LRRC8E: variants seen among roughly 807,000 people sequenced by gnomAD.
LRRC8E encodes leucine rich repeat containing 8 VRAC subunit E, also known as volume-regulated anion channel subunit LRRC8E.
A neutral mutation model predicts 6.1 loss-of-function variants in LRRC8E; 6 were observed. The observed-to-expected ratio is 0.98, with a 90% CI of 0.54 to 1.93. LRRC8E has a LOEUF of 1.93. Among genes scored for constraint, LRRC8E ranks in the 30% most tolerant of loss-of-function variants. The pLI is 0.01. For missense variants in LRRC8E, 1,028 were observed against 1,031.4 expected (o/e 1.00, Z 0.04); for synonymous variants, 485 against 472.8 (o/e 1.03, Z -0.33).
intron 1 of LRRC8E, among the ~76,000 whole-genome samples, chr19:7,894,366 GGT>G (rs1191064124): frequency 1.3e-5 from 2 of 152,176 alleles, no homozygotes; most frequent in Admixed American, 6.5e-5. Flanking sequence ...TAGGATTACA[GGT>G]GTGTGTCACC....
Position 7,899,168 on chromosome 19 carries a change from G to A in LRRC8E, c.646G>A (p.Glu216Lys), listed in dbSNP as rs200747911. ...GGCGGAACCGGAGAAGGTGGTGACCGAGCCTCCAGTTGTCACCCTGTTGGA... is the reference window on the plus strand; with the variant it reads ...GGCGGAACCGGAGAAGGTGGTGACCAAGCCTCCAGTTGTCACCCTGTTGGA... ...VLAEPEKVVT[E>K]PPVVTLLDKK... The change falls in exon 3 of 3, where the codon GAG becomes AAG. Residue 216 changes from glutamate (E) to lysine (K), a missense_variant. Physicochemically the swap from Glu to Lys is moderately conservative, Grantham distance 56. Coordinates refer to ENST00000306708, the MANE Select transcript of LRRC8E (RefSeq NM_025061.6). 3.9e-5 allele frequency: 63 copies of A among 1,613,894 alleles called. No homozygotes were observed. Among genetic ancestry groups the A allele is most frequent in the Non-Finnish European group, 5.2e-5 (61 of 1,179,934 alleles).
chr19:7,898,763 A>G lies in LRRC8E; in HGVS notation c.241A>G (p.Ile81Val). Residue 81 changes from isoleucine to valine, a missense_variant, in exon 3 of 3, where the codon ATT becomes GTT. By Grantham distance (29) the Ile-to-Val change is conservative (BLOSUM62 3). Transcript: ENST00000306708. ...GCTGCCTCGGGGGATCCCTGAGCAG[A>G]TTGGGGCCCTGCAGGAGGTTAAAGG... Reference protein sequence around the residue: ...QLLPRGIPEQIGALQEVKGLK... With the variant: ...QLLPRGIPEQVGALQEVKGLK... 6.2e-7 allele frequency: 1 copy of G among 1,614,092 alleles called. No homozygotes were observed. The highest frequency in any genetic ancestry group is 1.3e-5 in the African/African-American group (1 of 75,040).
chr19:7,900,840 C>A lies in LRRC8E; in HGVS notation c.2318C>A (p.Ala773Glu). ...ELGNCGGLKKAGLLVEDTLYQ... is the reference protein window; with the variant it reads ...ELGNCGGLKKEGLLVEDTLYQ... ...GGCAACTGTGGGGGGCTCAAGAAGG[C>A]GGGGCTCCTGGTGGAAGACACGCTT... The change falls in exon 3 of 3, where the codon GCG becomes GAG. Residue 773 changes from alanine to glutamate, a missense_variant. Coordinates refer to ENST00000306708, the MANE Select transcript of LRRC8E (RefSeq NM_025061.6). The surrounding 1 kb of genome is among the most constrained non-coding windows in gnomAD (Gnocchi z 5.0). 1.3e-6 allele frequency: 2 copies of A among 1,567,514 alleles called. No individual in the cohort carries two copies. Among genetic ancestry groups the A allele is most frequent in the Admixed American group, 1.9e-5 (1 of 52,616 alleles).
At chr19:7,892,098 A>G (rs1175427184) in intron 1 of LRRC8E, among the ~76,000 whole-genome samples, 3 of 145,304 alleles carry the variant, frequency 2.1e-5, no homozygotes, top group African/African-American at 7.8e-5. Flanking sequence ...TTTGAGACGG[A>G]GTCTCGCTCT....
At chr19:7,897,879 T>C (rs1033515839) in intron 2 of LRRC8E, among the ~76,000 whole-genome samples, 1 of 152,014 alleles carries the variant, frequency 6.6e-6, no homozygotes, top group African/African-American at 2.4e-5. Context: ...ACATCTTTTG[T>C]GGGGACACGA....
intron 2 of LRRC8E, 56 bp from the exon 3 acceptor site, chr19:7,898,605 C>A: frequency 6.8e-7 from 1 of 1,476,106 alleles, no homozygotes; most frequent in South Asian, 1.3e-5. Flanking sequence ...GTGATCCACT[C>A]GCCTTGGCCT....
Position 7,895,703 on chromosome 19 carries a change from G to A in LRRC8E, c.100G>A (p.Ala34Thr), listed in dbSNP as rs767036062. 3 of 1,613,984 alleles carry A rather than the reference G, an allele frequency of 1.9e-6. No individual in the cohort carries two copies. The highest frequency in any genetic ancestry group is 2.5e-6 in the Non-Finnish European group (3 of 1,179,980). Residue 34 changes from alanine (A) to threonine (T), a missense_variant, in exon 2 of 3, where the codon GCC becomes ACC. By Grantham distance (58) the Ala-to-Thr change is moderately conservative. Coordinates refer to ENST00000306708, the MANE Select transcript of LRRC8E (RefSeq NM_025061.6). This position sits in a 1 kb window ranked among gnomAD's most constrained non-coding sequence, Gnocchi z 4.7. Reference protein sequence around the residue: ...WDVLAEYLTVAMLMIGVFGCT... With the variant: ...WDVLAEYLTVTMLMIGVFGCT... ...CGTGCTGGCCGAGTACCTCACCGTG[G>A]CCATGCTCATGATTGGGGTCTTTGG...
At chr19:7,894,399 G>T (rs948734031) in intron 1 of LRRC8E, among the ~76,000 whole-genome samples, 1 of 152,118 alleles carries the variant, frequency 6.6e-6, no homozygotes, top group African/African-American at 2.4e-5. Context: ...AATTTTTTGT[G>T]TATTTTTAGT....
chr19:7,892,103 C>T (rs1378993851), intron 1 of LRRC8E, among the ~76,000 whole-genome samples: 26 of 150,414 alleles, frequency 1.7e-4, no homozygotes, highest in Admixed American at 4.0e-4. Context: ...GACGGAGTCT[C>T]GCTCTGTCGC....
At position 7,895,816 on chromosome 19, in the gene LRRC8E, C is replaced by T. The variant is rs1981558643; in HGVS notation, c.138+75C>T. 1.9e-6 allele frequency: 3 copies of T among 1,565,398 alleles called. No individual in the cohort carries two copies. The highest frequency in any genetic ancestry group is 1.3e-5 in the African/African-American group (1 of 74,190). ...GTCTGGGGAAGTCGGGAAGCCTTCT[C>T]ATCACCCAAGAAAGAGAGGAAACTG... On this transcript the variant is annotated intron_variant, in intron 2 of 2. Transcript: ENST00000306708. The surrounding 1 kb of genome is among the most constrained non-coding windows in gnomAD (Gnocchi z 4.7).
At position 7,894,097 on chromosome 19, in the gene LRRC8E, G is replaced by A. The variant is rs571174996; in HGVS notation, c.-5-1502G>A. Among the ~76,000 whole-genome samples the A allele has an allele frequency of 9.2e-5, 14 of 152,324 alleles. 1 individual carries two copies. The South Asian group carries it at 2.5e-3, about 27-fold the overall frequency. On this transcript the variant is annotated intron_variant, in intron 1 of 2. Coordinates refer to ENST00000306708, the MANE Select transcript of LRRC8E (RefSeq NM_025061.6). Reference sequence around the variant, plus strand: ...ACATGTCAGAACCATTGGCTGAGTCGTGGGTCAGGGGACCAGGGTTTCCCT... The same window carrying A: ...ACATGTCAGAACCATTGGCTGAGTCATGGGTCAGGGGACCAGGGTTTCCCT...
At position 7,900,554 on chromosome 19, in the gene LRRC8E, C is replaced by A; in HGVS notation, c.2032C>A (p.Leu678Ile). 1 of 1,613,146 alleles carries A rather than the reference C, an allele frequency of 6.2e-7. No homozygotes were observed. The highest frequency in any genetic ancestry group is 8.5e-7 in the Non-Finnish European group (1 of 1,180,040). The change falls in exon 3 of 3, where the codon CTC (leucine) becomes ATC (isoleucine). Residue 678 changes from leucine to isoleucine, a missense_variant. Transcript: ENST00000306708. This position sits in a 1 kb window ranked among gnomAD's most constrained non-coding sequence, Gnocchi z 5.0. ...CTCCCAGCTCGGCCTGTGCTCAGGC[C>A]TCCGTCTGCTGGATGTGTCCCACAA... is the stretch of plus-strand genomic sequence containing the variant. Reference protein sequence around the residue: ...LPSQLGLCSGLRLLDVSHNGL... With the variant: ...LPSQLGLCSGIRLLDVSHNGL...
chr19:7,894,782 T>G (rs893958621), intron 1 of LRRC8E, among the ~76,000 whole-genome samples: 5 of 152,138 alleles, frequency 3.3e-5, no homozygotes, highest in Non-Finnish European at 5.9e-5. Context: ...ACAGACAGAG[T>G]GGGCCGGCCA....
At chr19:7,891,291 C>T (rs1019299885) in intron 1 of LRRC8E, among the ~76,000 whole-genome samples, 1 of 152,158 alleles carries the variant, frequency 6.6e-6, no homozygotes, top group African/African-American at 2.4e-5. Flanking sequence ...TGTTCCTGGA[C>T]CTTCCCACCA....
At position 7,900,336 on chromosome 19, in the gene LRRC8E, G is replaced by A. The variant is rs376541871; in HGVS notation, c.1814G>A (p.Gly605Asp). Reference protein sequence around the residue: ...ERIPHAVFSLGALQELDLKDN... With the variant: ...ERIPHAVFSLDALQELDLKDN... ...ATCCCCCATGCAGTGTTCAGCCTGG[G>A]TGCGCTGCAGGAACTTGACCTCAAG... The change falls in exon 3 of 3, where the codon GGT becomes GAT. Residue 605 changes from glycine (G) to aspartate (D), a missense_variant. Physicochemically the swap from Gly to Asp is moderately conservative, Grantham distance 94. Coordinates refer to ENST00000306708, the MANE Select transcript of LRRC8E (RefSeq NM_025061.6). The surrounding 1 kb of genome is among the most constrained non-coding windows in gnomAD (Gnocchi z 5.0). The A allele has an allele frequency of 1.9e-6, 3 of 1,613,134 alleles. No homozygotes were observed. The highest frequency in any genetic ancestry group is 1.7e-5 in the Admixed American group (1 of 59,996).
At chr19:7,898,362 A>T (rs1981715701) in intron 2 of LRRC8E, among the ~76,000 whole-genome samples, 2 of 151,700 alleles carry the variant, frequency 1.3e-5, no homozygotes, top group African/African-American at 4.8e-5. Context: ...TCTCTTTTTT[A>T]AATTAATTTA....
At position 7,900,885 on chromosome 19, in the gene LRRC8E, A is replaced by T; in HGVS notation, c.2363A>T (p.Glu788Val). The change falls in exon 3 of 3, where the codon GAA (glutamate) becomes GTA (valine). Residue 788 changes from glutamate (E) to valine (V), a missense_variant. Physicochemically the swap from Glu to Val is moderately radical, Grantham distance 121. Transcript: ENST00000306708. The surrounding 1 kb of genome is among the most constrained non-coding windows in gnomAD (Gnocchi z 5.0). ...ACGCTTTACCAGGGTCTGCCGGCAGAAGTGCGGGACAAGATGGAGGAGGAA... is the reference window on the plus strand; with the variant it reads ...ACGCTTTACCAGGGTCTGCCGGCAGTAGTGCGGGACAAGATGGAGGAGGAA... ...EDTLYQGLPAEVRDKMEEE is the reference protein window; with the variant it reads ...EDTLYQGLPAVVRDKMEEE 6.5e-7 allele frequency: 1 copy of T among 1,530,194 alleles called. No homozygotes were observed. Among genetic ancestry groups the T allele is most frequent in the Non-Finnish European group, 8.8e-7 (1 of 1,141,172 alleles). 94.8% of individuals were successfully genotyped at this position (1,530,194 alleles called of 1,614,324 possible).
At position 7,895,488 on chromosome 19, in the gene LRRC8E, G is replaced by C; in HGVS notation, c.-5-111G>C. 1.5e-6 allele frequency: 2 copies of C among 1,369,624 alleles called. No individual in the cohort carries two copies. Among genetic ancestry groups the C allele is most frequent in the Non-Finnish European group, 2.0e-6 (2 of 984,212 alleles). The allele number at this position is 1,369,624 out of a possible 1,614,324, so 84.8% of individuals were successfully genotyped here. A position where few individuals can be genotyped will look rare whatever the true frequency, so the allele number is the denominator to read the frequency against. On this transcript the variant is annotated intron_variant, in intron 1 of 2. Transcript: ENST00000306708. This position sits in a 1 kb window ranked among gnomAD's most constrained non-coding sequence, Gnocchi z 4.7. The stretch of plus-strand genomic sequence containing the variant: ...ACACTTTGGTGGTTTGGACAAGTTT[G>C]GGCAGGGAGGGTCACAGGCCTGCCT...
At chr19:7,891,547 TTG>T (rs914111723) in intron 1 of LRRC8E, among the ~76,000 whole-genome samples, 52 of 91,642 alleles carry the variant, frequency 5.7e-4, no homozygotes, top group African/African-American at 2.2e-3. Context: ...GTGTGTGTGT[TTG>T]TGTGTGTGTG....
Sources: gnomAD v4.1 joint callset for allele counts (sites outside exome capture counted in the v4.1 genomes callset) on GRCh38, gnomAD v4.1.1 for gene constraint, Gnocchi (gnomAD v3.1) non-coding constraint, MANE v1.5 for transcripts, NCBI Gene and HGNC (gene_info 2026-07-23, HGNC 2026-07-21) for gene names.